RALGAPA2: variants seen among roughly 807,000 people sequenced by gnomAD.
The protein encoded by RALGAPA2 is ral GTPase-activating protein subunit alpha-2.
In RALGAPA2, 139 loss-of-function variants were observed where a neutral mutation model predicts 230.4. The observed-to-expected ratio is 0.60, with a 90% CI of 0.53 to 0.69. RALGAPA2 has a LOEUF of 0.69. RALGAPA2 is among the 30% of genes least tolerant of loss of function. RALGAPA2 has a pLI of 0.00. For missense variants in RALGAPA2, 2,163 were observed against 2,276.0 expected, an observed-to-expected ratio of 0.95 and a Z score of 1.01; for synonymous variants, 847 against 837.8, an observed-to-expected ratio of 1.01 and a Z score of -0.19.
At chr20:20,704,010 T>C (rs2069501310) in intron 1 of RALGAPA2, among the ~76,000 whole-genome samples, 1 of 152,208 alleles carries the variant, frequency 6.6e-6, no homozygotes, top group Non-Finnish European at 1.5e-5. Flanking sequence ...CAGATGTCCT[T>C]TTTTTAAGAG....
intron 30 of RALGAPA2, among the ~76,000 whole-genome samples, chr20:20,521,797 A>G (rs1278035596): frequency 6.6e-6 from 1 of 152,232 alleles, no homozygotes; most frequent in Non-Finnish European, 1.5e-5. Context: ...TGATTTTTAT[A>G]AGAATCAAGG....
rs2063137372 is a variant in RALGAPA2, at chr20:20,524,401, C to A, written c.3900+5G>T. ...CCATTCCCCCAGGCCCAGGTGTAGACTCACCCTGTAGATATAATCCAGCAA... is the reference window on the plus strand; with the variant it reads ...CCATTCCCCCAGGCCCAGGTGTAGAATCACCCTGTAGATATAATCCAGCAA... On this transcript the variant is annotated splice_donor_5th_base_variant and intron_variant, in intron 30 of 39. Coordinates refer to ENST00000202677, the MANE Select transcript of RALGAPA2 (RefSeq NM_020343.4). 1 of 1,613,116 alleles carries A rather than the reference C, an allele frequency of 6.2e-7. No individual in the cohort carries two copies. Among genetic ancestry groups the A allele is most frequent in the African/African-American group, 1.3e-5 (1 of 74,816 alleles).
intron 36 of RALGAPA2, among the ~76,000 whole-genome samples, chr20:20,475,234 ACTGT>A (rs1238301390): frequency 1.3e-5 from 2 of 152,172 alleles, no homozygotes; most frequent in African/African-American, 4.8e-5. Context: ...TGAAGGAGAG[ACTGT>A]CTCTGCCCAT....
At chr20:20,679,895 A>C in intron 2 of RALGAPA2, among the ~76,000 whole-genome samples, 1 of 152,218 alleles carries the variant, frequency 6.6e-6, no homozygotes, top group Non-Finnish European at 1.5e-5. Context: ...TTATTTTTTA[A>C]ATAAATGAAT....
At position 20,653,195 on chromosome 20, in the gene RALGAPA2, C is replaced by CAAA. The variant is rs60906434; in HGVS notation, c.328+332_328+334dup. Among the ~76,000 whole-genome samples the CAAA allele has an allele frequency of 2.4e-3, 67 of 27,524 alleles. 2 individuals are homozygous for CAAA. The highest frequency in any genetic ancestry group is 5.3e-3 in the African/African-American group (54 of 10,170). 18.1% of individuals were successfully genotyped at this position (27,524 alleles called of 152,430 possible). ...TAGGCGACAGAGCAAGACTCCATCT[C>CAAA]AAAAAAAAAAAAAAAAAAAAAAAAA... On this transcript the variant is annotated intron_variant, in intron 4 of 39. Coordinates refer to ENST00000202677, the MANE Select transcript of RALGAPA2 (RefSeq NM_020343.4).
intron 20 of RALGAPA2, among the ~76,000 whole-genome samples, chr20:20,575,287 C>T (rs1407766274): frequency 6.6e-6 from 1 of 152,142 alleles, no homozygotes; most frequent in Non-Finnish European, 1.5e-5. Context: ...TCTCCAACAA[C>T]ATATTTGACA....
intron 16 of RALGAPA2, among the ~76,000 whole-genome samples, chr20:20,593,127 G>C (rs906447078): frequency 1.3e-5 from 2 of 152,172 alleles, no homozygotes; most frequent in African/African-American, 4.8e-5. Flanking sequence ...ATGTTGCCTA[G>C]GCTGGTCTCA....
chr20:20,695,821 G>A (rs1323061517), intron 1 of RALGAPA2, among the ~76,000 whole-genome samples: 6 of 152,152 alleles, frequency 3.9e-5, no homozygotes, highest in Non-Finnish European at 1.5e-5. Flanking sequence ...CCAACATAAA[G>A]CACAACTGGG....
rs781014188 is a variant in RALGAPA2, at chr20:20,629,460, C to A, written c.1136G>T (p.Ser379Ile). ...CACCATTCGGTGCTCTTCTTCAATG[C>A]TACAGAGGCTGGAGTTGCTGAGTCT... ...DRRLSNSSLC[S>I]IEEEHRMVYE... Residue 379 changes from serine (S) to isoleucine (I), a missense_variant, in exon 10 of 40, where the codon AGC becomes ATC. By Grantham distance (142) the Ser-to-Ile change is moderately radical (BLOSUM62 -2). Coordinates refer to ENST00000202677, the MANE Select transcript of RALGAPA2 (RefSeq NM_020343.4). 3.7e-6 allele frequency: 6 copies of A among 1,613,816 alleles called. No homozygotes were observed. In the African/African-American group the frequency reaches 6.7e-5, roughly 18 times the overall value.
chr20:20,692,271 C>A (rs563762498), intron 1 of RALGAPA2, among the ~76,000 whole-genome samples: 40 of 152,252 alleles, frequency 2.6e-4, no homozygotes, highest in Middle Eastern at 3.4e-3. Context: ...GTTGTACATA[C>A]CTGTTTAAAT....
chr20:20,630,706 G>C (rs901041111), intron 9 of RALGAPA2, among the ~76,000 whole-genome samples: 1 of 152,054 alleles, frequency 6.6e-6, no homozygotes, highest in African/African-American at 2.4e-5. Flanking sequence ...GATGAGTATG[G>C]TACAGAAAGA....
chr20:20,424,059 C>T (rs920968345), intron 37 of RALGAPA2, among the ~76,000 whole-genome samples: 1 of 152,286 alleles, frequency 6.6e-6, no homozygotes, highest in South Asian at 2.1e-4. Flanking sequence ...TATGTCCTTC[C>T]GGCATAGGGA....
chr20:20,541,680 TA>T (rs1187709491), intron 24 of RALGAPA2, among the ~76,000 whole-genome samples: 1 of 152,314 alleles, frequency 6.6e-6, no homozygotes, highest in East Asian at 1.9e-4. Flanking sequence ...ATCTTCCATT[TA>T]ATATTTTTGG....
chr20:20,521,118 A>T lies in RALGAPA2; in HGVS notation c.3901-18T>A, dbSNP rs1460836026. 6.3e-6 allele frequency: 10 copies of T among 1,579,558 alleles called. No individual in the cohort carries two copies. Among genetic ancestry groups the T allele is most frequent in the African/African-American group, 1.3e-5 (1 of 74,236 alleles). ...TGCAAAACCTGTGAAAACAGAGGCC[A>T]TGTGCACCACGGATGCTACTCACCG... On this transcript the variant is annotated intron_variant, in intron 30 of 39. Coordinates refer to ENST00000202677, the MANE Select transcript of RALGAPA2 (RefSeq NM_020343.4).
At chr20:20,455,170 C>T (rs1349779687) in intron 37 of RALGAPA2, among the ~76,000 whole-genome samples, 1 of 152,182 alleles carries the variant, frequency 6.6e-6, no homozygotes, top group African/African-American at 2.4e-5. Context: ...CTCCACAGTC[C>T]CGTGTAATGC....
intron 20 of RALGAPA2, among the ~76,000 whole-genome samples, chr20:20,576,934 T>G (rs188215182): frequency 4.1e-4 from 62 of 152,306 alleles, no homozygotes; most frequent in Non-Finnish European, 7.4e-4. Context: ...CTAACTATTA[T>G]TTGCTTTCTA....
At position 20,637,367 on chromosome 20, in the gene RALGAPA2, T is replaced by C. The variant is rs762587697; in HGVS notation, c.801A>G (p.Val267=). 2.5e-6 allele frequency: 4 copies of C among 1,599,348 alleles called. No homozygotes were observed. The highest frequency in any genetic ancestry group is 4.5e-5 in the East Asian group (2 of 44,546). Residue 267 remains valine, a synonymous_variant, in exon 8 of 40, where the codon GTA becomes GTG. Coordinates refer to ENST00000202677, the MANE Select transcript of RALGAPA2 (RefSeq NM_020343.4). ...FTKLTNIYKP[V]LDIPHLRPKP... Reference sequence around the variant, plus strand: ...CACGGCTCCAACAGTACTTACCAAGTACAGGTTTGTAGATGTTTGTTAACT... The same window carrying C: ...CACGGCTCCAACAGTACTTACCAAGCACAGGTTTGTAGATGTTTGTTAACT...
In RALGAPA2 at chr20:20,437,512, G is replaced by A. The variant is rs2060641711; in HGVS notation, c.5496-25364C>T. 6.6e-6 allele frequency among the ~76,000 whole-genome samples: 1 copy of A among 152,176 alleles called. No homozygotes were observed. The highest frequency in any genetic ancestry group is 1.5e-5 in the Non-Finnish European group (1 of 68,038). The stretch of plus-strand genomic sequence containing the variant: ...CACAGGAAAAGCGGAAGTCCTTACT[G>A]TGGCTGGCAAGGCCCTGCCCCACTG... On this transcript the variant is annotated intron_variant, in intron 37 of 39. Coordinates refer to ENST00000202677, the MANE Select transcript of RALGAPA2 (RefSeq NM_020343.4). This position sits in a 1 kb window ranked among gnomAD's most constrained non-coding sequence, Gnocchi z 4.1.
intron 26 of RALGAPA2, among the ~76,000 whole-genome samples, chr20:20,535,464 C>T (rs1481790552): frequency 6.6e-6 from 1 of 152,260 alleles, no homozygotes; most frequent in Admixed American, 6.5e-5. Flanking sequence ...TTTCTTTCTT[C>T]TTGAAAATAT....
Sources: allele counts gnomAD v4.1 joint callset (sites outside exome capture counted in the v4.1 genomes callset), GRCh38; gene constraint gnomAD v4.1.1; non-coding constraint Gnocchi (gnomAD v3.1); transcripts MANE v1.5; gene names NCBI Gene and HGNC (gene_info 2026-07-23, HGNC 2026-07-21).